MARCHF1: variants seen among roughly 807,000 people sequenced by gnomAD.
MARCHF1 encodes E3 ubiquitin-protein ligase MARCHF1.
Under a neutral mutation model 54.2 loss-of-function variants are expected in MARCHF1, and 40 were observed. That is an observed-to-expected ratio of 0.74 (90% CI 0.57 to 0.96). MARCHF1 has a LOEUF of 0.96. MARCHF1 is among the 40% of genes least tolerant of loss of function. The pLI is 0.00. For synonymous variants in MARCHF1, 236 were observed against 236.3 expected, an observed-to-expected ratio of 1.00 and a Z score of 0.01; for missense variants, 586 against 656.5, an observed-to-expected ratio of 0.89 and a Z score of 1.17.
intron 1 of MARCHF1, among the ~76,000 whole-genome samples, chr4:164,187,006 T>G (rs1730986792): frequency 6.7e-6 from 1 of 149,712 alleles, no homozygotes; most frequent in East Asian, 2.0e-4. Context: ...TCAATTGCCT[T>G]CAACTATGGC....
intron 1 of MARCHF1, among the ~76,000 whole-genome samples, chr4:164,201,023 G>T (rs188531943): frequency 1.8e-4 from 28 of 152,234 alleles, no homozygotes; most frequent in African/African-American, 5.8e-4. Context: ...AAATCAGGTC[G>T]ACTTGCCTAA....
intron 4 of MARCHF1, among the ~76,000 whole-genome samples, chr4:163,718,616 A>G (rs1391722502): frequency 6.6e-6 from 1 of 152,202 alleles, no homozygotes; most frequent in Non-Finnish European, 1.5e-5. Context: ...TGTTTCAGCC[A>G]TTTCAGGAAC....
chr4:164,262,200 A>C (rs1733487555), intron 1 of MARCHF1, among the ~76,000 whole-genome samples: 1 of 152,046 alleles, frequency 6.6e-6, no homozygotes, highest in Non-Finnish European at 1.5e-5. Context: ...ATCCCCTCAA[A>C]GCCTGATAGG....
At chr4:164,263,019 GGA>G (rs1733509858) in intron 1 of MARCHF1, among the ~76,000 whole-genome samples, 1 of 152,162 alleles carries the variant, frequency 6.6e-6, no homozygotes, top group Non-Finnish European at 1.5e-5. Flanking sequence ...TTCAGGAAGG[GGA>G]GAGAGGAAGA....
At chr4:163,745,571 T>C (rs1746335246) in intron 4 of MARCHF1, among the ~76,000 whole-genome samples, 1 of 152,174 alleles carries the variant, frequency 6.6e-6, no homozygotes, top group African/African-American at 2.4e-5. Flanking sequence ...GAGAAGCAGT[T>C]CTCAAATAGC....
intron 1 of MARCHF1, chr4:164,190,260 C>T (rs1731089987): frequency 8.4e-6 from 9 of 1,067,676 alleles, no homozygotes; most frequent in Admixed American, 2.0e-5. Context: ...TGTTCAGCCA[C>T]TTATCAGCAA....
chr4:163,885,467 T>G (rs1750505024), intron 3 of MARCHF1, among the ~76,000 whole-genome samples: 1 of 152,072 alleles, frequency 6.6e-6, no homozygotes, highest in South Asian at 2.1e-4. Flanking sequence ...ATTAGGAACA[T>G]TATAGGTACA....
chr4:164,149,532 C>T (rs1436851660), intron 1 of MARCHF1, among the ~76,000 whole-genome samples: 2 of 152,096 alleles, frequency 1.3e-5, no homozygotes, highest in Non-Finnish European at 2.9e-5. Context: ...GAAATGACTG[C>T]TTTTCAGAGC....
intron 1 of MARCHF1, among the ~76,000 whole-genome samples, chr4:164,118,563 C>A (rs547622470): frequency 6.6e-6 from 1 of 151,242 alleles, no homozygotes; most frequent in South Asian, 2.1e-4. Context: ...GCTTATAAGA[C>A]AAAGCTCAGA....
intron 5 of MARCHF1, among the ~76,000 whole-genome samples, chr4:163,631,778 C>A (rs925215262): frequency 9.2e-5 from 14 of 152,050 alleles, no homozygotes; most frequent in Admixed American, 3.3e-4. Context: ...ACATATGATA[C>A]CAAAAGCATG....
At chr4:164,141,089 G>A (rs942251960) in intron 1 of MARCHF1, among the ~76,000 whole-genome samples, 5 of 152,140 alleles carry the variant, frequency 3.3e-5, no homozygotes, top group African/African-American at 9.7e-5. Context: ...TAGATCACTT[G>A]CTGACTTTAT....
At chr4:163,975,194 T>A (rs62348094) in intron 3 of MARCHF1, among the ~76,000 whole-genome samples, 19,096 of 110,546 alleles carry the variant, frequency 0.17, 1,602 homozygotes, top group African/African-American at 0.34. Flanking sequence ...TCTCTCTCTC[T>A]CTCACACACA....
chr4:163,787,594 G>A (rs6823505), intron 4 of MARCHF1, among the ~76,000 whole-genome samples: 116,872 of 151,674 alleles, frequency 0.77, 46,643 homozygotes, highest in Non-Finnish European at 0.88. Context: ...TAAGAATGTG[G>A]AGAAACTGAC....
chr4:163,816,407 A>C (rs1353215), intron 4 of MARCHF1, among the ~76,000 whole-genome samples: 1 of 151,338 alleles, frequency 6.6e-6, no homozygotes, highest in East Asian at 1.9e-4. Flanking sequence ...ATAGTATTCA[A>C]GTTCAACTAA....
chr4:163,917,506 A>G (rs758995819), intron 3 of MARCHF1, among the ~76,000 whole-genome samples: 1 of 152,124 alleles, frequency 6.6e-6, no homozygotes, highest in Non-Finnish European at 1.5e-5. Context: ...CAAGTCCTTA[A>G]TCACATAAAA....
At chr4:164,141,956 G>A (rs183049444) in intron 1 of MARCHF1, among the ~76,000 whole-genome samples, 96 of 152,178 alleles carry the variant, frequency 6.3e-4, no homozygotes, top group African/African-American at 2.1e-3. Context: ...GCAGGTCAGT[G>A]GGTGGGCGCA....
intron 4 of MARCHF1, among the ~76,000 whole-genome samples, chr4:163,732,587 A>G (rs1447261596): frequency 6.6e-6 from 1 of 152,190 alleles, no homozygotes; most frequent in Non-Finnish European, 1.5e-5. Flanking sequence ...TCTCAACCTA[A>G]TAATAAAGAG....
intron 1 of MARCHF1, among the ~76,000 whole-genome samples, chr4:164,308,023 T>C (rs1734742406): frequency 6.6e-6 from 1 of 152,178 alleles, no homozygotes; most frequent in African/African-American, 2.4e-5. Flanking sequence ...GCTGAATCTT[T>C]CATATCTGCC....
At position 164,381,834 on chromosome 4, in the gene MARCHF1, A is replaced by G. The variant is rs530548788; in HGVS notation, c.-323+2036T>C. On this transcript the variant is annotated intron_variant, in intron 1 of 9. Transcript: ENST00000514618. The stretch of plus-strand genomic sequence containing the variant: ...AGTAAAACCCCATTATCATAAAAAC[A>G]TAGTACAACAAAGTTAGAAAGACGA... Among the ~76,000 whole-genome samples the G allele has an allele frequency of 1.2e-3, 187 of 152,342 alleles. 1 individual carries two copies. The highest frequency in any genetic ancestry group is 3.4e-3 in the Middle Eastern group (1 of 294).
Sources: gnomAD v4.1 joint callset for allele counts (sites outside exome capture counted in the v4.1 genomes callset) on GRCh38, gnomAD v4.1.1 for gene constraint, MANE v1.5 for transcripts, NCBI Gene and HGNC (gene_info 2026-07-23, HGNC 2026-07-21) for gene names.